GMPR: variants seen among roughly 807,000 people sequenced by gnomAD.
GMPR encodes guanosine monophosphate reductase.
Under a neutral mutation model 38.4 loss-of-function variants are expected in GMPR, and 31 were observed. That is an observed-to-expected ratio of 0.81 (90% CI 0.61 to 1.09). GMPR has a LOEUF of 1.09. Ranked by LOEUF, GMPR falls within the 50% of genes least tolerant of loss-of-function variation. GMPR has a pLI of 0.00. For missense variants in GMPR, 468 were observed against 453.7 expected, an observed-to-expected ratio of 1.03 and a Z score of -0.29; for synonymous variants, 162 against 173.3, an observed-to-expected ratio of 0.93 and a Z score of 0.51.
At chr6:16,242,558 T>A (rs1345211737) in intron 1 of GMPR, among the ~76,000 whole-genome samples, 2 of 152,182 alleles carry the variant, frequency 1.3e-5, no homozygotes, top group Non-Finnish European at 2.9e-5. Context: ...CTGACAGTTG[T>A]CCCCAATCTC....
intron 7 of GMPR, among the ~76,000 whole-genome samples, chr6:16,288,481 C>T (rs957536332): frequency 6.6e-6 from 1 of 152,224 alleles, no homozygotes; most frequent in African/African-American, 2.4e-5. Context: ...TGGGCCTTAG[C>T]TGCCTCCCTG....
In GMPR at chr6:16,285,818, A is replaced by G; in HGVS notation, c.680A>G (p.Asp227Gly). 6.2e-7 allele frequency: 1 copy of G among 1,612,882 alleles called. No homozygotes were observed. Among genetic ancestry groups the G allele is most frequent in the South Asian group, 1.1e-5 (1 of 90,768 alleles). ...ISDGGCTCPGDVAKAFGAGAD... is the reference protein window; with the variant it reads ...ISDGGCTCPGGVAKAFGAGAD... ...GATGGAGGCTGTACGTGTCCAGGGGATGTCGCCAAAGCCTTTGGTAAGGCC... is the reference window on the plus strand; with the variant it reads ...GATGGAGGCTGTACGTGTCCAGGGGGTGTCGCCAAAGCCTTTGGTAAGGCC... The change falls in exon 7 of 9, where the codon GAT becomes GGT. Residue 227 changes from aspartate to glycine, a missense_variant. Physicochemically the swap from Asp to Gly is moderately conservative, Grantham distance 94. Coordinates refer to ENST00000259727, the MANE Select transcript of GMPR (RefSeq NM_006877.4).
At chr6:16,266,560 T>C (rs908049571) in intron 4 of GMPR, among the ~76,000 whole-genome samples, 12 of 150,900 alleles carry the variant, frequency 8.0e-5, no homozygotes, top group Middle Eastern at 3.5e-3. Flanking sequence ...CCTGGCACTT[T>C]GGGAGGCCGA....
chr6:16,246,202 C>T (rs913818100), intron 1 of GMPR, among the ~76,000 whole-genome samples: 7 of 152,024 alleles, frequency 4.6e-5, no homozygotes, highest in African/African-American at 1.7e-4. Flanking sequence ...TCTGGATTGC[C>T]GATAGCAAGG....
intron 1 of GMPR, among the ~76,000 whole-genome samples, chr6:16,240,196 A>AT (rs1336678764): frequency 6.6e-6 from 1 of 152,184 alleles, no homozygotes; most frequent in Non-Finnish European, 1.5e-5. Flanking sequence ...AGATATACCT[A>AT]TTTTCTGAAC....
rs532720146 is a variant in GMPR at position 16,246,869 on chromosome 6, C to A, written c.115C>A (p.Arg39=). ...GGATCTTGAACGCACCTTCACGTTT[C>A]GAAATTCAAAGCAGACCTACTCAGG... ...EVDLERTFTF[R]NSKQTYSGIP... The change falls in exon 2 of 9, where the codon CGA becomes AGA. Residue 39 remains arginine (R), a synonymous_variant. Transcript: ENST00000259727. 4.3e-6 allele frequency: 7 copies of A among 1,613,394 alleles called. No individual in the cohort carries two copies. In the South Asian group the frequency reaches 7.7e-5, roughly 18 times the overall value.
At chr6:16,254,429 T>A in intron 3 of GMPR, 133 bp from the exon 4 acceptor site, 2 of 691,716 alleles carry the variant, frequency 2.9e-6, no homozygotes, top group Non-Finnish European at 5.1e-6. Context: ...CTTGAGCAGG[T>A]GCACTGTGCA....
intron 4 of GMPR, among the ~76,000 whole-genome samples, chr6:16,265,860 C>T (rs896301724): frequency 2.0e-5 from 3 of 152,356 alleles, no homozygotes; most frequent in South Asian, 4.1e-4. Context: ...GCTGCTCGCT[C>T]TTTGGGTCCA....
At chr6:16,278,187 G>C (rs1759511149) in intron 5 of GMPR, among the ~76,000 whole-genome samples, 1 of 152,148 alleles carries the variant, frequency 6.6e-6, no homozygotes, top group Non-Finnish European at 1.5e-5. Context: ...ACAGAGCTGA[G>C]TGAGAGCAGG....
chr6:16,266,990 G>C (rs981196414), intron 4 of GMPR, among the ~76,000 whole-genome samples: 1 of 151,300 alleles, frequency 6.6e-6, no homozygotes, highest in Admixed American at 6.6e-5. Flanking sequence ...GAGGAGGAAC[G>C]AACAACTCTG....
At chr6:16,289,040 A>C (rs189299441) in intron 7 of GMPR, among the ~76,000 whole-genome samples, 1 of 152,326 alleles carries the variant, frequency 6.6e-6, no homozygotes, top group Admixed American at 6.5e-5. Context: ...AGCAGTGGCA[A>C]ACCCTTCTGG....
At chr6:16,265,644 G>T (rs147843719) in intron 4 of GMPR, among the ~76,000 whole-genome samples, 6 of 146,214 alleles carry the variant, frequency 4.1e-5, no homozygotes, top group Non-Finnish European at 7.8e-5. Context: ...AAGCAGCACT[G>T]TGTCTAGCTA....
intron 1 of GMPR, among the ~76,000 whole-genome samples, chr6:16,242,778 A>C (rs1179741748): frequency 6.6e-6 from 1 of 152,094 alleles, no homozygotes; most frequent in Non-Finnish European, 1.5e-5. Flanking sequence ...AACTGGGATT[A>C]TAGGCATGCA....
chr6:16,238,942 G>T (rs1242698384), intron 1 of GMPR, among the ~76,000 whole-genome samples, 162 bp downstream of exon 1: 1 of 152,116 alleles, frequency 6.6e-6, no homozygotes, highest in Non-Finnish European at 1.5e-5. Context: ...GCCAGGACGT[G>T]AGGTGTCTTT....
chr6:16,258,911 C>T (rs1252620764), intron 4 of GMPR, among the ~76,000 whole-genome samples: 2 of 152,170 alleles, frequency 1.3e-5, no homozygotes, highest in Non-Finnish European at 2.9e-5. Context: ...TGCTCACAAA[C>T]GTTCCAGGAA....
At chr6:16,294,874 G>A in intron 8 of GMPR, 132 bp from the exon 9 acceptor site, 2 of 680,566 alleles carry the variant, frequency 2.9e-6, no homozygotes, top group Middle Eastern at 3.7e-4. Context: ...TGGGGATGGG[G>A]TCAGAGGGTG....
At position 16,254,545 on chromosome 6, in the gene GMPR, G is replaced by C. The variant is rs377070622; in HGVS notation, c.292-17G>C. Reference sequence around the variant, plus strand: ...TGCTACTGTTTATGCCTGTCTTCTTGGTTTATTTTGGTGCAGAATGTAGCC... The same window carrying C: ...TGCTACTGTTTATGCCTGTCTTCTTCGTTTATTTTGGTGCAGAATGTAGCC... On this transcript the variant is annotated splice_polypyrimidine_tract_variant and intron_variant, in intron 3 of 8. Transcript: ENST00000259727. The C allele has an allele frequency of 2.9e-5, 46 of 1,609,776 alleles. No homozygotes were observed. In the African/African-American group the frequency reaches 6.0e-4, roughly 21 times the overall value.
At position 16,274,894 on chromosome 6, in the gene GMPR, C is replaced by T. The variant is rs539940943; in HGVS notation, c.547+398C>T. On this transcript the variant is annotated intron_variant, in intron 5 of 8. Transcript: ENST00000259727. ...GTTTATGTGAATGTTTGAGGGACCC[C>T]AAACATTGCAAATAAGCTTGCAGTG... 2.6e-5 allele frequency among the ~76,000 whole-genome samples: 4 copies of T among 152,196 alleles called. No individual in the cohort carries two copies. In the South Asian group the frequency reaches 8.3e-4, roughly 32 times the overall value.
intron 1 of GMPR, 66 bp downstream of exon 1, chr6:16,238,846 G>A: frequency 2.6e-6 from 2 of 773,286 alleles, no homozygotes; most frequent in South Asian, 2.2e-5. Context: ...GGGCAAGTGG[G>A]TGGAAGGGGG....
Sources: allele counts gnomAD v4.1 joint callset (sites outside exome capture counted in the v4.1 genomes callset), GRCh38; gene constraint gnomAD v4.1.1; transcripts MANE v1.5; gene names NCBI Gene and HGNC (gene_info 2026-07-23, HGNC 2026-07-21).